The following CDC14B variants were observed in gnomAD, a reference collection of about 807,000 sequenced individuals.
The protein encoded by CDC14B is dual specificity protein phosphatase CDC14B.
A neutral mutation model predicts 64.2 loss-of-function variants in CDC14B; 22 were observed. That is an observed-to-expected ratio of 0.34 (90% CI 0.24 to 0.49). The LOEUF is 0.49. Among genes scored for constraint, CDC14B ranks in the 20% least tolerant of loss-of-function variants. The probability of loss-of-function intolerance (pLI) is 0.99; values close to 1 mark genes in which losing one functional copy is unlikely to be tolerated. For synonymous variants in CDC14B, 191 were observed against 215.8 expected, an observed-to-expected ratio of 0.89 and a Z score of 1.01; for missense variants, 498 against 629.9, an observed-to-expected ratio of 0.79 and a Z score of 2.24.
At chr9:96,555,229 A>G (rs544287912) in intron 4 of CDC14B, among the ~76,000 whole-genome samples, 1 of 152,306 alleles carries the variant, frequency 6.6e-6, no homozygotes, top group East Asian at 1.9e-4. Flanking sequence ...GTGATTTCAG[A>G]GGCTAGATCA....
intron 1 of CDC14B, chr9:96,566,636 C>G: frequency 1.2e-6 from 1 of 838,696 alleles, no homozygotes. Flanking sequence ...GGACAAGTGC[C>G]GAGGCCACCC....
chr9:96,586,581 T>G (rs1336565626), intron 1 of CDC14B, among the ~76,000 whole-genome samples: 5 of 152,100 alleles, frequency 3.3e-5, no homozygotes, highest in African/African-American at 1.2e-4. Context: ...ACCACAGGTG[T>G]GCACCACCAC....
At position 96,503,387 on chromosome 9, in the gene CDC14B, A is replaced by T; in HGVS notation, c.*366T>A. 4.3e-6 allele frequency: 1 copy of T among 230,414 alleles called. No individual in the cohort carries two copies. The highest frequency in any genetic ancestry group is 8.3e-6 in the Non-Finnish European group (1 of 120,694). 14.3% of individuals were successfully genotyped at this position (230,414 alleles called of 1,614,324 possible). ...GAAAATAAATACATAAAAAACCTCC[A>T]TCAGATCCTCAATTCTTCTGAAGGC... is the stretch of plus-strand genomic sequence containing the variant. On this transcript the variant is annotated 3_prime_UTR_variant, in exon 14 of 14. Transcript: ENST00000375241.
intron 9 of CDC14B, among the ~76,000 whole-genome samples, chr9:96,525,375 C>T (rs780843117): frequency 6.6e-6 from 1 of 151,996 alleles, no homozygotes; most frequent in Admixed American, 6.6e-5. Context: ...CTTTGTCCTT[C>T]AAGAAAAGGA....
intron 13 of CDC14B, 60 bp from the exon 14 acceptor site, chr9:96,503,849 A>G: frequency 7.4e-7 from 1 of 1,359,650 alleles, no homozygotes; most frequent in African/African-American, 1.4e-5. Flanking sequence ...ACAGGCAGTT[A>G]TCAAAGACAA....
chr9:96,505,938 C>T (rs146528010), intron 13 of CDC14B, among the ~76,000 whole-genome samples: 91 of 152,274 alleles, frequency 6.0e-4, no homozygotes, highest in African/African-American at 2.2e-3. Context: ...TTCAGCTGCC[C>T]CAAGTAATTG....
At chr9:96,551,430 G>C (rs954291466) in intron 5 of CDC14B, among the ~76,000 whole-genome samples, 2 of 152,058 alleles carry the variant, frequency 1.3e-5, no homozygotes, top group African/African-American at 4.8e-5. Flanking sequence ...CCAAAGCTTA[G>C]TTTTCATCAA....
At chr9:96,613,765 T>A (rs546065902) in intron 1 of CDC14B, among the ~76,000 whole-genome samples, 2 of 152,306 alleles carry the variant, frequency 1.3e-5, no homozygotes, top group South Asian at 4.1e-4. Flanking sequence ...ACAAAACTCT[T>A]GAAGAAAAAG....
At position 96,534,516 on chromosome 9, in the gene CDC14B, C is replaced by G. The variant is rs1400873915; in HGVS notation, c.654G>C (p.Trp218Cys). Reference protein sequence around the residue: ...YEKAENGDLNWIIPDRFIAFC... With the variant: ...YEKAENGDLNCIIPDRFIAFC... ...AGGCAATAAATCGGTCTGGTATTATCCAATTTAAATCTCCATTTTCTGCTT... is the reference window on the plus strand; with the variant it reads ...AGGCAATAAATCGGTCTGGTATTATGCAATTTAAATCTCCATTTTCTGCTT... Residue 218 changes from tryptophan (W) to cysteine (C), a missense_variant, in exon 8 of 14, where the codon TGG becomes TGC. Transcript: ENST00000375241. The G allele has an allele frequency of 6.2e-6, 10 of 1,613,242 alleles. No individual in the cohort carries two copies. The highest frequency in any genetic ancestry group is 1.3e-5 in the African/African-American group (1 of 74,892).
intron 1 of CDC14B, among the ~76,000 whole-genome samples, chr9:96,615,887 CTA>C (rs1847595524): frequency 6.6e-6 from 1 of 152,196 alleles, no homozygotes; most frequent in Non-Finnish European, 1.5e-5. Context: ...GAAATACACT[CTA>C]TAGATATAGT....
chr9:96,597,894 G>A (rs895374230), intron 1 of CDC14B, among the ~76,000 whole-genome samples: 1 of 152,146 alleles, frequency 6.6e-6, no homozygotes. Context: ...AATTCATAAG[G>A]ACAATAGCAT....
chr9:96,567,111 G>A (rs890359155), intron 1 of CDC14B: 20 of 652,868 alleles, frequency 3.1e-5, no homozygotes, highest in Admixed American at 6.7e-5. Context: ...TTCCCCAGCT[G>A]GGAACGCGGG....
chr9:96,540,931 T>C (rs762891115), intron 6 of CDC14B, among the ~76,000 whole-genome samples: 3 of 152,322 alleles, frequency 2.0e-5, no homozygotes, highest in South Asian at 2.1e-4. Flanking sequence ...ACCTCATTGA[T>C]TGATACAGGG....
intron 4 of CDC14B, among the ~76,000 whole-genome samples, chr9:96,558,272 G>A (rs988472565): frequency 2.0e-5 from 3 of 152,186 alleles, no homozygotes; most frequent in African/African-American, 7.2e-5. Flanking sequence ...ATAACTTACT[G>A]TGTATTTCAA....
At chr9:96,580,368 A>G (rs1164872180) in intron 1 of CDC14B, among the ~76,000 whole-genome samples, 4 of 151,868 alleles carry the variant, frequency 2.6e-5, no homozygotes, top group Admixed American at 2.6e-4. Context: ...AGTAGCTGGG[A>G]TTACAAGCAT....
chr9:96,612,148 C>A (rs1275669701), intron 1 of CDC14B, among the ~76,000 whole-genome samples: 1 of 152,204 alleles, frequency 6.6e-6, no homozygotes, highest in African/African-American at 2.4e-5. Flanking sequence ...ATCACCACGG[C>A]ACCAAACCTC....
At chr9:96,514,502 G>C in intron 12 of CDC14B, 1 of 985,280 alleles carries the variant, frequency 1.0e-6, no homozygotes, top group Non-Finnish European at 1.2e-6. Flanking sequence ...AAGTTAAGCA[G>C]GTTTTGCCTA....
intron 1 of CDC14B, among the ~76,000 whole-genome samples, chr9:96,603,481 G>A (rs377485803): frequency 1.6e-4 from 25 of 152,340 alleles, no homozygotes; most frequent in Middle Eastern, 3.4e-3. Flanking sequence ...TGATAAATGC[G>A]TCATGAAACT....
intron 1 of CDC14B, chr9:96,567,212 T>C: frequency 4.2e-6 from 1 of 237,452 alleles, no homozygotes; most frequent in Non-Finnish European, 8.3e-6. Flanking sequence ...GAGGGAAGAG[T>C]CTGGGAAAGC....
Sources: allele counts gnomAD v4.1 joint callset (sites outside exome capture counted in the v4.1 genomes callset), GRCh38; gene constraint gnomAD v4.1.1; transcripts MANE v1.5; gene names NCBI Gene and HGNC (gene_info 2026-07-23, HGNC 2026-07-21).